Variants in TAF3 observed in about 807,000 individuals in gnomAD.
The protein encoded by TAF3 is TATA-box binding protein associated factor 3, also known as transcription initiation factor TFIID subunit 3.
TAF3 carries 7 observed loss-of-function variants against 80.6 expected under a neutral mutation model. The ratio of observed to expected loss-of-function variants is 0.09; its 90% CI spans 0.05 to 0.16. The LOEUF is 0.16. Ranked by LOEUF, TAF3 falls within the 10% of genes least tolerant of loss-of-function variation. The probability of loss-of-function intolerance (pLI) is 1.00; values close to 1 mark genes in which losing one functional copy is unlikely to be tolerated. For synonymous variants in TAF3, 444 were observed against 446.1 expected, an observed-to-expected ratio of 1.00 and a Z score of 0.06; for missense variants, 921 against 1,140.2, an observed-to-expected ratio of 0.81 and a Z score of 2.77.
intron 2 of TAF3, among the ~76,000 whole-genome samples, chr10:7,940,760 G>C (rs1177168098): frequency 2.0e-5 from 3 of 152,046 alleles, no homozygotes; most frequent in Non-Finnish European, 4.4e-5. Flanking sequence ...TTTGAGACCA[G>C]CCTGAGCAAC....
intron 2 of TAF3, among the ~76,000 whole-genome samples, chr10:7,920,299 CGTGTGTGT>C (rs60287426): frequency 2.2e-3 from 227 of 101,372 alleles, no homozygotes; most frequent in African/African-American, 6.5e-3. Flanking sequence ...TTTAAACATA[CGTGTGTGT>C]GTGTGTGTGT....
Position 7,965,590 on chromosome 10 carries a change from G to A in TAF3, c.2080G>A (p.Glu694Lys), listed in dbSNP as rs1248592219. The change falls in exon 3 of 7, where the codon GAG becomes AAG. Residue 694 changes from glutamate to lysine, a missense_variant. Glu to Lys is a moderately conservative substitution (Grantham distance 56). This residue lies in a region of TAF3 where 743 missense variants were observed against 821.0 expected (regional missense o/e 0.90). Coordinates refer to ENST00000344293, the MANE Select transcript of TAF3 (RefSeq NM_031923.4). ...VLPEKLFEEKEKVKEKEKKKD... is the reference protein window; with the variant it reads ...VLPEKLFEEKKKVKEKEKKKD... ...TCCGGAAAAACTGTTTGAGGAGAAA[G>A]AGAAGGTGAAGGAGAAAGAAAAGAA... is the stretch of plus-strand genomic sequence containing the variant. 1.3e-6 allele frequency: 2 copies of A among 1,595,744 alleles called. No homozygotes were observed. Among genetic ancestry groups the A allele is most frequent in the Middle Eastern group, 1.7e-4 (1 of 5,966 alleles).
At chr10:7,875,293 C>CT (rs1316122508) in intron 2 of TAF3, among the ~76,000 whole-genome samples, 5 of 151,576 alleles carry the variant, frequency 3.3e-5, no homozygotes, top group Non-Finnish European at 7.4e-5. Flanking sequence ...AAATTGTAAA[C>CT]TTTTTTTTTA....
At chr10:8,013,299 T>C (rs1008056131) in intron 5 of TAF3, among the ~76,000 whole-genome samples, 25 of 152,332 alleles carry the variant, frequency 1.6e-4, no homozygotes, top group African/African-American at 5.5e-4. Context: ...ATTCCATGCC[T>C]ATGAATGCGA....
In TAF3 at chr10:8,000,708, G is replaced by A. The variant is rs566974199; in HGVS notation, c.2316-8370G>A. 2.0e-5 allele frequency among the ~76,000 whole-genome samples: 3 copies of A among 152,310 alleles called. No homozygotes were observed. In the South Asian group the frequency reaches 6.2e-4, roughly 32 times the overall value. ...GTGGGAGGATCAAATAAGCCTGGGAGGCAGAGGTTGCAGTGAGCCAAGATT... is the reference window on the plus strand; with the variant it reads ...GTGGGAGGATCAAATAAGCCTGGGAAGCAGAGGTTGCAGTGAGCCAAGATT... On this transcript the variant is annotated intron_variant, in intron 4 of 6. Coordinates refer to ENST00000344293, the MANE Select transcript of TAF3 (RefSeq NM_031923.4).
chr10:7,860,423 C>T (rs1181484577), intron 2 of TAF3, among the ~76,000 whole-genome samples: 1 of 152,046 alleles, frequency 6.6e-6, no homozygotes, highest in African/African-American at 2.4e-5. Context: ...CCAATCACAG[C>T]CTCTTCTTTC....
At chr10:8,014,439 G>C (rs1342001300) in intron 6 of TAF3, among the ~76,000 whole-genome samples, 198 bp from the exon 7 acceptor site, 1 of 152,216 alleles carries the variant, frequency 6.6e-6, no homozygotes, top group Non-Finnish European at 1.5e-5. Flanking sequence ...ATGAGTCTCT[G>C]CAGGGGGCCT....
At chr10:7,878,154 AC>A (rs1837327759) in intron 2 of TAF3, among the ~76,000 whole-genome samples, 1 of 152,208 alleles carries the variant, frequency 6.6e-6, no homozygotes, top group Admixed American at 6.5e-5. Context: ...ATATAGATGT[AC>A]CCAGGAGCAG....
chr10:7,965,587 A>G lies in TAF3; in HGVS notation c.2077A>G (p.Lys693Glu). Residue 693 changes from lysine to glutamate, a missense_variant, in exon 3 of 7, where the codon AAA (lysine) becomes GAA (glutamate). Lys to Glu is a moderately conservative substitution (Grantham distance 56). Transcript: ENST00000344293. ...PVLPEKLFEE[K>E]EKVKEKEKKK... ...GCTTCCGGAAAAACTGTTTGAGGAG[A>G]AAGAGAAGGTGAAGGAGAAAGAAAA... 4 of 1,599,936 alleles carry G rather than the reference A, an allele frequency of 2.5e-6. No individual in the cohort carries two copies. Among genetic ancestry groups the G allele is most frequent in the Non-Finnish European group, 3.4e-6 (4 of 1,176,484 alleles).
intron 2 of TAF3, among the ~76,000 whole-genome samples, chr10:7,848,818 A>G (rs1483894743): frequency 6.6e-6 from 1 of 152,184 alleles, no homozygotes; most frequent in Non-Finnish European, 1.5e-5. Context: ...TTATATATCT[A>G]TATGCCACAT....
At chr10:7,988,989 G>A (rs915006775) in intron 4 of TAF3, among the ~76,000 whole-genome samples, 1 of 151,936 alleles carries the variant, frequency 6.6e-6, no homozygotes, top group African/African-American at 2.4e-5. Flanking sequence ...CTGTTTTTTA[G>A]TCATTTTATA....
intron 2 of TAF3, among the ~76,000 whole-genome samples, chr10:7,864,271 A>G (rs1837187377): frequency 6.6e-6 from 1 of 152,170 alleles, no homozygotes; most frequent in South Asian, 2.1e-4. Context: ...GCAACTACTG[A>G]TCATTTTATT....
At chr10:7,926,888 A>C (rs965296873) in intron 2 of TAF3, among the ~76,000 whole-genome samples, 1 of 152,194 alleles carries the variant, frequency 6.6e-6, no homozygotes, top group African/African-American at 2.4e-5. Flanking sequence ...TAGTATTAAC[A>C]ATGTCAGAGA....
At chr10:7,998,795 C>A (rs1034227682) in intron 4 of TAF3, among the ~76,000 whole-genome samples, 2 of 150,272 alleles carry the variant, frequency 1.3e-5, no homozygotes, top group Admixed American at 1.3e-4. Context: ...GCCGGGATCG[C>A]GCCACTGCAC....
chr10:7,890,483 T>C (rs556715539), intron 2 of TAF3, among the ~76,000 whole-genome samples: 3 of 152,258 alleles, frequency 2.0e-5, no homozygotes, highest in Non-Finnish European at 4.4e-5. Context: ...TGCAATTGTT[T>C]AAAGAAGAAA....
chr10:7,822,510 A>G (rs539309946), intron 1 of TAF3, among the ~76,000 whole-genome samples: 1 of 151,798 alleles, frequency 6.6e-6, no homozygotes, highest in South Asian at 2.1e-4. Flanking sequence ...CAAAGACTGC[A>G]GAAGTATGTG....
intron 2 of TAF3, among the ~76,000 whole-genome samples, chr10:7,834,760 C>T (rs1836834950): frequency 6.6e-6 from 1 of 152,174 alleles, no homozygotes; most frequent in Non-Finnish European, 1.5e-5. Context: ...TCCCAGATTA[C>T]ACGTACAATA....
At chr10:7,973,632 A>C (rs1301141359) in intron 3 of TAF3, among the ~76,000 whole-genome samples, 4 of 152,214 alleles carry the variant, frequency 2.6e-5, no homozygotes, top group African/African-American at 9.6e-5. Flanking sequence ...TTTGTTTTTT[A>C]AAAACCTTAA....
chr10:7,820,946 A>G (rs1482711938), intron 1 of TAF3, among the ~76,000 whole-genome samples: 1 of 152,184 alleles, frequency 6.6e-6, no homozygotes, highest in Non-Finnish European at 1.5e-5. Flanking sequence ...GTGATAGGCT[A>G]GGCTAGGCTA....
Sources: allele counts gnomAD v4.1 joint callset (sites outside exome capture counted in the v4.1 genomes callset), GRCh38; gene constraint gnomAD v4.1.1; regional missense constraint gnomAD v4.1.1; transcripts MANE v1.5; gene names NCBI Gene and HGNC (gene_info 2026-07-23, HGNC 2026-07-21).